The following DAAM1 variants were observed in gnomAD, a reference collection of about 807,000 sequenced individuals.
DAAM1 encodes disheveled-associated activator of morphogenesis 1.
Under a neutral mutation model 130.0 loss-of-function variants are expected in DAAM1, and 52 were observed. The observed-to-expected ratio is 0.40, with a 90% CI of 0.32 to 0.50. The LOEUF (loss-of-function observed/expected upper bound fraction) is 0.50. Among genes scored for constraint, DAAM1 ranks in the 20% least tolerant of loss-of-function variants. The pLI, the probability that DAAM1 is intolerant of heterozygous loss-of-function variation, is 0.61. For synonymous variants in DAAM1, 452 were observed against 444.5 expected, an observed-to-expected ratio of 1.02 and a Z score of -0.21; for missense variants, 1,134 against 1,303.8, an observed-to-expected ratio of 0.87 and a Z score of 2.01.
At chr14:59,341,752 T>C (rs1885858110) in intron 16 of DAAM1, among the ~76,000 whole-genome samples, 1 of 152,236 alleles carries the variant, frequency 6.6e-6, no homozygotes, top group Admixed American at 6.5e-5. Context: ...GTAGTATTCC[T>C]AGTAGCAAAA....
intron 1 of DAAM1, among the ~76,000 whole-genome samples, chr14:59,239,403 A>G (rs1889406843): frequency 6.6e-6 from 1 of 152,128 alleles, no homozygotes; most frequent in South Asian, 2.1e-4. Flanking sequence ...GTTTTTTTCT[A>G]GATGGAAAAA....
intron 1 of DAAM1, among the ~76,000 whole-genome samples, chr14:59,215,594 A>G (rs1594761387): frequency 6.6e-6 from 1 of 152,284 alleles, no homozygotes; most frequent in African/African-American, 2.4e-5. Context: ...GCCCTGTCGG[A>G]GCTCAGGATA....
intron 20 of DAAM1, chr14:59,357,401 T>C (rs963373871): frequency 2.0e-5 from 3 of 152,232 alleles, no homozygotes; most frequent in Non-Finnish European, 2.9e-5. Context: ...TTTCTTGTGA[T>C]GGTGGCTGGC....
At chr14:59,290,951 T>A (rs1883713442) in intron 2 of DAAM1, among the ~76,000 whole-genome samples, 1 of 152,032 alleles carries the variant, frequency 6.6e-6, no homozygotes, top group African/African-American at 2.4e-5. Flanking sequence ...GATAATTCTG[T>A]CTGTGCTTGG....
chr14:59,261,655 A>G (rs1219777773), intron 1 of DAAM1, among the ~76,000 whole-genome samples: 2 of 152,208 alleles, frequency 1.3e-5, no homozygotes, highest in African/African-American at 4.8e-5. Flanking sequence ...TTTGCCTTCA[A>G]GTCAGCGGAG....
At chr14:59,214,065 G>A (rs774554881) in intron 1 of DAAM1, among the ~76,000 whole-genome samples, 23 of 152,216 alleles carry the variant, frequency 1.5e-4, no homozygotes, top group Non-Finnish European at 2.6e-4. Flanking sequence ...CATCTGAGGC[G>A]TTAGCACAAA....
At chr14:59,202,971 A>C (rs571475831) in intron 1 of DAAM1, among the ~76,000 whole-genome samples, 8 of 151,570 alleles carry the variant, frequency 5.3e-5, no homozygotes, top group Non-Finnish European at 8.8e-5. Flanking sequence ...AAAGAAGGAC[A>C]GTTAAAGACA....
chr14:59,359,944 C>T (rs930102644), intron 21 of DAAM1, among the ~76,000 whole-genome samples: 5 of 151,254 alleles, frequency 3.3e-5, no homozygotes, highest in Non-Finnish European at 5.9e-5. Context: ...AAACTTTTAC[C>T]ACAAACTTCA....
At chr14:59,338,301 C>T (rs1415913182) in intron 15 of DAAM1, 27 of 1,380,666 alleles carry the variant, frequency 2.0e-5, no homozygotes, top group Non-Finnish European at 2.7e-5. Flanking sequence ...TCCTTGACTG[C>T]TTTGACTTTC....
chr14:59,326,526 C>T lies in DAAM1; in HGVS notation c.1191C>T (p.Asn397=). The T allele has an allele frequency of 6.3e-7, 1 of 1,598,478 alleles. No homozygotes were observed. The highest frequency in any genetic ancestry group is 8.5e-7 in the Non-Finnish European group (1 of 1,173,328). The change falls in exon 11 of 25, where the codon AAC becomes AAT. Residue 397 remains asparagine (N), a synonymous_variant. Transcript: ENST00000360909. ...CTTTTTTAGACAAGAGGAGTGGCAA[C>T]ACTGTTCAGTACTGGCTACTACTAG... ...CLQMPYKRSG[N]TVQYWLLLDR... is the part of the protein sequence containing the mutation.
intron 1 of DAAM1, among the ~76,000 whole-genome samples, chr14:59,191,506 T>C (rs1012782245): frequency 6.6e-6 from 1 of 152,198 alleles, no homozygotes; most frequent in African/African-American, 2.4e-5. Flanking sequence ...CACTGATAGT[T>C]CTGTCATCCG....
chr14:59,250,538 A>T (rs891675040), intron 1 of DAAM1, among the ~76,000 whole-genome samples: 2 of 152,212 alleles, frequency 1.3e-5, no homozygotes, highest in African/African-American at 4.8e-5. Context: ...TGAGGTGTAT[A>T]CTTAGAGTTT....
intron 1 of DAAM1, among the ~76,000 whole-genome samples, chr14:59,250,796 G>A (rs1253014): frequency 0.44 from 66,219 of 152,056 alleles, 14,502 homozygotes; most frequent in Non-Finnish European, 0.45. Flanking sequence ...TATGCATCCC[G>A]TATATAGGTA....
chr14:59,330,454 G>A (rs1393312493), intron 12 of DAAM1, 47 bp from the exon 13 acceptor site: 7 of 1,501,450 alleles, frequency 4.7e-6, no homozygotes, highest in Non-Finnish European at 5.3e-6. Flanking sequence ...AAATGCTTCA[G>A]CTTTGAAGAC....
intron 16 of DAAM1, among the ~76,000 whole-genome samples, chr14:59,342,761 G>A (rs1161730785): frequency 2.0e-5 from 3 of 152,190 alleles, no homozygotes; most frequent in African/African-American, 7.2e-5. Flanking sequence ...TGAAGGACAT[G>A]GAGCCCGGCC....
At chr14:59,243,463 A>G (rs1196567569) in intron 1 of DAAM1, among the ~76,000 whole-genome samples, 3 of 152,160 alleles carry the variant, frequency 2.0e-5, no homozygotes, top group Non-Finnish European at 4.4e-5. Flanking sequence ...AGGCTGGTGG[A>G]AATGCCAGTC....
intron 2 of DAAM1, among the ~76,000 whole-genome samples, chr14:59,281,524 TGGAGGAGGA>T (rs59666401): frequency 4.0e-5 from 6 of 150,228 alleles, no homozygotes; most frequent in East Asian, 2.0e-4. Context: ...GTGCTGCTGT[TGGAGGAGGA>T]GGAGGAGGAG....
chr14:59,261,800 A>G (rs1428335091), intron 1 of DAAM1, among the ~76,000 whole-genome samples: 2 of 152,264 alleles, frequency 1.3e-5, no homozygotes, highest in South Asian at 2.1e-4. Context: ...GGAAGATGCC[A>G]TAAGTCGATG....
chr14:59,359,771 T>G (rs1886634038), intron 21 of DAAM1, among the ~76,000 whole-genome samples: 1 of 152,218 alleles, frequency 6.6e-6, no homozygotes, highest in African/African-American at 2.4e-5. Flanking sequence ...AGGAGCACCT[T>G]AGTTAAATAA....
Sources: gnomAD v4.1 joint callset for allele counts (sites outside exome capture counted in the v4.1 genomes callset) on GRCh38, gnomAD v4.1.1 for gene constraint, MANE v1.5 for transcripts, NCBI Gene and HGNC (gene_info 2026-07-23, HGNC 2026-07-21) for gene names.